NRG3: variants seen among roughly 807,000 people sequenced by gnomAD.
NRG3 encodes the protein pro-neuregulin-3, membrane-bound isoform.
Under a neutral mutation model 66.9 loss-of-function variants are expected in NRG3, and 31 were observed. That is an observed-to-expected ratio of 0.46 (90% confidence interval 0.35 to 0.63). The LOEUF is 0.63. Among genes scored for constraint, NRG3 ranks in the 20% least tolerant of loss-of-function variants. The pLI is 0.00. For synonymous variants in NRG3, 393 were observed against 359.4 expected, an observed-to-expected ratio of 1.09 and a Z score of -1.06; for missense variants, 910 against 878.9, an observed-to-expected ratio of 1.04 and a Z score of -0.45.
chr10:82,815,523 G>T (rs1184235841), intron 3 of NRG3, among the ~76,000 whole-genome samples: 1 of 152,064 alleles, frequency 6.6e-6, no homozygotes, highest in Non-Finnish European at 1.5e-5. Context: ...TGAGCTCTCT[G>T]CTTTCCCCCA....
At chr10:82,201,307 A>G (rs931396900) in intron 1 of NRG3, among the ~76,000 whole-genome samples, 1 of 152,022 alleles carries the variant, frequency 6.6e-6, no homozygotes, top group Non-Finnish European at 1.5e-5. Flanking sequence ...GAGTTTCACA[A>G]ACAGGATTTT....
intron 3 of NRG3, among the ~76,000 whole-genome samples, chr10:82,750,484 G>A (rs2058820348): frequency 6.6e-6 from 1 of 152,076 alleles, no homozygotes; most frequent in South Asian, 2.1e-4. Context: ...CAGAGACACA[G>A]GGTTCTGAAT....
intron 2 of NRG3, among the ~76,000 whole-genome samples, chr10:82,572,238 C>G (rs989681997): frequency 6.6e-6 from 1 of 151,278 alleles, no homozygotes; most frequent in Non-Finnish European, 1.5e-5. Context: ...CTCGTGTGTT[C>G]TTACTTACTG....
chr10:81,976,567 G>T (rs1175885899), intron 1 of NRG3, among the ~76,000 whole-genome samples: 1 of 152,156 alleles, frequency 6.6e-6, no homozygotes, highest in African/African-American at 2.4e-5. Flanking sequence ...TCAATGGAAA[G>T]AAACACATTT....
intron 3 of NRG3, among the ~76,000 whole-genome samples, chr10:82,773,285 A>T (rs1158859176): frequency 1.3e-5 from 2 of 152,136 alleles, no homozygotes. Flanking sequence ...CCATTCTACC[A>T]GGTGTGATGT....
intron 7 of NRG3, 50 bp from the exon 8 acceptor site, chr10:82,978,900 T>C: frequency 6.3e-7 from 1 of 1,583,042 alleles, no homozygotes; most frequent in Non-Finnish European, 8.6e-7. Context: ...AGGTTATTGC[T>C]ATGATGTCTT....
chr10:82,040,647 G>A (rs979340525), intron 1 of NRG3, among the ~76,000 whole-genome samples: 1 of 151,954 alleles, frequency 6.6e-6, no homozygotes, highest in Non-Finnish European at 1.5e-5. Flanking sequence ...ACCCCACAGA[G>A]ATGCATGGAG....
At chr10:82,567,610 T>C (rs1189371708) in intron 2 of NRG3, among the ~76,000 whole-genome samples, 2 of 151,974 alleles carry the variant, frequency 1.3e-5, no homozygotes, top group African/African-American at 4.8e-5. Flanking sequence ...GCTAAGGAGA[T>C]AATATGTGAG....
intron 2 of NRG3, among the ~76,000 whole-genome samples, chr10:82,722,346 G>T (rs556003774): frequency 6.6e-6 from 1 of 152,154 alleles, no homozygotes; most frequent in East Asian, 1.9e-4. Context: ...ATATTTTTGT[G>T]TCTAAGATAC....
intron 1 of NRG3, among the ~76,000 whole-genome samples, chr10:82,199,887 TGC>T (rs112759704): frequency 0.1 from 8,699 of 83,956 alleles, 528 homozygotes; most frequent in East Asian, 0.27. Context: ...TGTGTGTGTG[TGC>T]GTGTGTGTGT....
intron 1 of NRG3, among the ~76,000 whole-genome samples, chr10:82,273,010 C>A (rs1157263192): frequency 6.6e-6 from 1 of 152,082 alleles, no homozygotes; most frequent in East Asian, 1.9e-4. Context: ...ATTGTCTTTT[C>A]GTCTCTTGTC....
intron 4 of NRG3, among the ~76,000 whole-genome samples, chr10:82,941,709 A>G (rs1848586753): frequency 6.6e-6 from 1 of 152,180 alleles, no homozygotes; most frequent in African/African-American, 2.4e-5. Context: ...GCAGGGAGAA[A>G]TGCTGGAGTG....
At chr10:82,827,265 AG>A in intron 3 of NRG3, 1 of 358,664 alleles carries the variant, frequency 2.8e-6, no homozygotes, top group East Asian at 8.3e-5. Context: ...CTAATTTCAA[AG>A]ACTGGAACAA....
chr10:82,793,139 T>C (rs1388840194), intron 3 of NRG3, among the ~76,000 whole-genome samples: 2 of 152,286 alleles, frequency 1.3e-5, no homozygotes, highest in Non-Finnish European at 2.9e-5. Context: ...AGTTTTAAAA[T>C]GTTGATCATT....
chr10:82,738,620 C>G lies in NRG3; in HGVS notation c.997C>G (p.Pro333Ala). 6.2e-7 allele frequency: 1 copy of G among 1,614,148 alleles called. No individual in the cohort carries two copies. Among genetic ancestry groups the G allele is most frequent in the Non-Finnish European group, 8.5e-7 (1 of 1,179,986 alleles). ...AGGAGTCCGTTGTGATCAATTTCTGCCGAAAACTGATTCCATCTTATCGGA... is the reference window on the plus strand; with the variant it reads ...AGGAGTCCGTTGTGATCAATTTCTGGCGAAAACTGATTCCATCTTATCGGA... ...YQGVRCDQFL[P>A]KTDSILSDPT... The change falls in exon 3 of 9, where the codon CCG (proline) becomes GCG (alanine). Residue 333 changes from proline (P) to alanine (A), a missense_variant. By Grantham distance (27) the Pro-to-Ala change is conservative (BLOSUM62 -1). Transcript: ENST00000372141.
intron 2 of NRG3, among the ~76,000 whole-genome samples, chr10:82,708,490 T>G (rs2065769): frequency 0.51 from 77,787 of 151,962 alleles, 21,480 homozygotes; most frequent in East Asian, 0.66. Context: ...TAGGCCCTGG[T>G]GTCTGTGGCT....
intron 1 of NRG3, among the ~76,000 whole-genome samples, chr10:82,035,385 A>G (rs1347663653): frequency 1.3e-5 from 2 of 152,102 alleles, no homozygotes; most frequent in Admixed American, 1.3e-4. Flanking sequence ...TTTCTTCTTC[A>G]CAGTGTATTT....
At chr10:82,348,242 A>C (rs2083168685) in intron 1 of NRG3, among the ~76,000 whole-genome samples, 1 of 152,156 alleles carries the variant, frequency 6.6e-6, no homozygotes, top group South Asian at 2.1e-4. Context: ...TTCCTTCAAC[A>C]GCTCTTTTAG....
intron 1 of NRG3, among the ~76,000 whole-genome samples, chr10:81,884,163 C>T (rs1842413451): frequency 6.6e-6 from 1 of 152,144 alleles, no homozygotes; most frequent in Admixed American, 6.5e-5. Flanking sequence ...TAATCTCTCC[C>T]CACCTCAGTC....
Sources: gnomAD v4.1 joint callset for allele counts (sites outside exome capture counted in the v4.1 genomes callset) on GRCh38, gnomAD v4.1.1 for gene constraint, MANE v1.5 for transcripts, NCBI Gene and HGNC (gene_info 2026-07-23, HGNC 2026-07-21) for gene names.